SPIN2A: variants seen among roughly 807,000 people sequenced by gnomAD.
SPIN2A encodes the protein spindlin-2A.
A neutral mutation model predicts 9.2 loss-of-function variants in SPIN2A; 4 were observed. The observed-to-expected ratio is 0.44, with a 90% CI of 0.21 to 1.00. The LOEUF is 1.00. SPIN2A is among the 50% of genes least tolerant of loss of function. SPIN2A has a pLI of 0.26. For synonymous variants in SPIN2A, 25 were observed against 61.2 expected, an observed-to-expected ratio of 0.41 and a Z score of 2.76; for missense variants, 77 against 172.8, an observed-to-expected ratio of 0.45 and a Z score of 3.11.
upstream of SPIN2A, among the ~76,000 whole-genome samples, chrX:57,140,814 A>G (rs1280035750): frequency 9.0e-6 from 1 of 111,432 alleles, no homozygotes; most frequent in Admixed American, 9.6e-5. Context: ...AATAATAGAC[A>G]CTAGGATTTC....
At chrX:57,138,580 T>C (rs761906662), upstream of SPIN2A, among the ~76,000 whole-genome samples, 4 of 111,433 alleles carry the variant, frequency 3.6e-5, no homozygotes, top group Non-Finnish European at 5.7e-5. Flanking sequence ...ATATACCCAA[T>C]AGTGAGATTG....
downstream of SPIN2A, chrX:57,134,966 A>G (rs1300944196): frequency 1.8e-5 from 2 of 111,968 alleles, no homozygotes; most frequent in East Asian, 5.6e-4. Flanking sequence ...GGCATCTTTG[A>G]CAGTTGCCAC....
At chrX:57,145,002 T>C in the SPIN2A span, among the ~76,000 whole-genome samples, 1 of 111,608 alleles carries the variant, frequency 9.0e-6, no homozygotes, top group African/African-American at 3.3e-5. Flanking sequence ...TCCACATTTT[T>C]GCAATTGTGA....
chrX:57,140,225 G>A (rs762488927), upstream of SPIN2A, among the ~76,000 whole-genome samples: 22 of 109,757 alleles, frequency 2.0e-4, no homozygotes, highest in East Asian at 8.5e-4. Context: ...GTTACAGTTC[G>A]TTTTTGGTGG....
chrX:57,142,679 A>T, the SPIN2A span, among the ~76,000 whole-genome samples: 5 of 111,405 alleles, frequency 4.5e-5, no homozygotes, highest in East Asian at 1.1e-3. Flanking sequence ...TGTCTAGATG[A>T]TCTTTACCAT....
intron 1 of SPIN2A, 25 bp downstream of exon 1, chrX:57,137,235 G>A: frequency 2.6e-6 from 2 of 760,879 alleles, no homozygotes; most frequent in Non-Finnish European, 3.1e-6. Context: ...GGGGATCGCG[G>A]GCCTCACGTG....
chrX:57,135,575 G>A, downstream of SPIN2A: 1 of 542,700 alleles, frequency 1.8e-6, no homozygotes. Flanking sequence ...ATTGACAGCT[G>A]TTCGTTCCTT....
upstream of SPIN2A, among the ~76,000 whole-genome samples, chrX:57,137,972 ACCT>A (rs1264631042): frequency 4.5e-5 from 5 of 111,311 alleles, no homozygotes; most frequent in Non-Finnish European, 5.6e-5. Flanking sequence ...CCAAATACAC[ACCT>A]CTATCCAATC....
chrX:57,144,715 C>T, the SPIN2A span, among the ~76,000 whole-genome samples: 68 of 110,571 alleles, frequency 6.1e-4, no homozygotes, highest in Non-Finnish European at 1.1e-3. Context: ...TTGTATCATT[C>T]TTCTGCCTTT....
chrX:57,146,514 T>C, the SPIN2A span, among the ~76,000 whole-genome samples: 1 of 111,821 alleles, frequency 8.9e-6, no homozygotes, highest in Non-Finnish European at 1.9e-5. Context: ...CAGCAAATAG[T>C]GGCAGTTTGA....
the SPIN2A span, among the ~76,000 whole-genome samples, chrX:57,146,048 G>T: frequency 1.8e-5 from 2 of 109,099 alleles, no homozygotes; most frequent in Admixed American, 9.8e-5. Flanking sequence ...GGTTATGCAG[G>T]CTCTTTTTTT....
At chrX:57,142,137 C>T (rs1384533009), upstream of SPIN2A, among the ~76,000 whole-genome samples, 1 of 111,797 alleles carries the variant, frequency 8.9e-6, no homozygotes, top group East Asian at 2.8e-4. Flanking sequence ...TTCTTTCCTT[C>T]TACTAACTCA....
upstream of SPIN2A, among the ~76,000 whole-genome samples, chrX:57,138,432 A>G (rs986043233): frequency 1.8e-5 from 2 of 110,511 alleles, no homozygotes; most frequent in African/African-American, 6.6e-5. Context: ...ATATATATAT[A>G]TATATCACAT....
chrX:57,145,969 T>A, the SPIN2A span, among the ~76,000 whole-genome samples: 3 of 111,198 alleles, frequency 2.7e-5, no homozygotes, highest in Non-Finnish European at 5.7e-5. Context: ...GGCCTTATAG[T>A]ATAGTTTGAA....
At chrX:57,137,867 A>G (rs953262267), upstream of SPIN2A, among the ~76,000 whole-genome samples, 4 of 111,644 alleles carry the variant, frequency 3.6e-5, no homozygotes, top group African/African-American at 1.3e-4. Flanking sequence ...ATGTGTATGT[A>G]TGTATATATA....
upstream of SPIN2A, among the ~76,000 whole-genome samples, chrX:57,141,250 G>A (rs770203185): frequency 8.9e-6 from 1 of 112,024 alleles, no homozygotes; most frequent in East Asian, 2.8e-4. Context: ...ATTGATTTGT[G>A]TATGTTGAAC....
At chrX:57,137,175 C>T (rs1188661761) in intron 1 of SPIN2A, 85 bp downstream of exon 1, 1 of 761,103 alleles carries the variant, frequency 1.3e-6, no homozygotes, top group Non-Finnish European at 1.6e-6. Flanking sequence ...CCATCCCCCT[C>T]TCCATTCTGG....
At chrX:57,146,897 G>T in the SPIN2A span, among the ~76,000 whole-genome samples, 3 of 111,815 alleles carry the variant, frequency 2.7e-5, no homozygotes, top group East Asian at 8.4e-4. Context: ...AACCATCCCT[G>T]ATTCCCTAGT....
At chrX:57,135,612 G>A (rs1345414761), downstream of SPIN2A, 2 of 869,252 alleles carry the variant, frequency 2.3e-6, no homozygotes, top group Non-Finnish European at 1.6e-6. Context: ...AAACACACCC[G>A]AACTTTTCAA....
Sources: gnomAD v4.1 joint callset for allele counts (sites outside exome capture counted in the v4.1 genomes callset) on GRCh38, gnomAD v4.1.1 for gene constraint, MANE v1.5 for transcripts, NCBI Gene and HGNC (gene_info 2026-07-23, HGNC 2026-07-21) for gene names.